The following ROBO1 variants were observed in gnomAD, a reference collection of about 807,000 sequenced individuals.
ROBO1 encodes roundabout guidance receptor 1.
Under a neutral mutation model 195.9 loss-of-function variants are expected in ROBO1, and 149 were observed. The observed-to-expected ratio is 0.76, with a 90% CI of 0.67 to 0.87. The LOEUF (loss-of-function observed/expected upper bound fraction) is 0.87, where lower values mean the gene tolerates loss of function less well. ROBO1 is among the 40% of genes least tolerant of loss of function. The probability of loss-of-function intolerance (pLI) is 0.00; values close to 1 mark genes in which losing one functional copy is unlikely to be tolerated. For synonymous variants in ROBO1, 816 were observed against 733.2 expected (o/e 1.11, Z -1.82); for missense variants, 1,933 against 2,068.3 (o/e 0.93, Z 1.27).
chr3:79,158,115 C>T (rs2080891169), intron 2 of ROBO1, among the ~76,000 whole-genome samples: 1 of 151,686 alleles, frequency 6.6e-6, no homozygotes, highest in South Asian at 2.1e-4. Context: ...AGGGCTTCAT[C>T]TCAACACTCC....
At chr3:79,465,727 T>C (rs1198120706) in intron 2 of ROBO1, among the ~76,000 whole-genome samples, 3 of 152,116 alleles carry the variant, frequency 2.0e-5, no homozygotes, top group Non-Finnish European at 1.5e-5. Context: ...TTTAACTGAC[T>C]AAATTCTCCA....
At chr3:79,072,059 T>C (rs1484083785) in intron 3 of ROBO1, among the ~76,000 whole-genome samples, 2 of 151,880 alleles carry the variant, frequency 1.3e-5, no homozygotes, top group South Asian at 2.1e-4. Flanking sequence ...TAACCTTAAA[T>C]ATATATGCTT....
At chr3:79,645,501 C>T (rs2106703531) in intron 1 of ROBO1, among the ~76,000 whole-genome samples, 1 of 152,082 alleles carries the variant, frequency 6.6e-6, no homozygotes, top group East Asian at 1.9e-4. Flanking sequence ...AACTCTGTCT[C>T]TAAAATAAAT....
At chr3:79,610,155 C>T (rs1041797985) in intron 1 of ROBO1, among the ~76,000 whole-genome samples, 2 of 151,864 alleles carry the variant, frequency 1.3e-5, no homozygotes, top group Non-Finnish European at 2.9e-5. Flanking sequence ...ACAGTCGTCT[C>T]TCTTTATCCG....
At chr3:79,226,789 C>T (rs2082235245) in intron 2 of ROBO1, among the ~76,000 whole-genome samples, 1 of 152,084 alleles carries the variant, frequency 6.6e-6, no homozygotes, top group South Asian at 2.1e-4. Context: ...TCAAGCAGTC[C>T]TCCCACCTTG....
At chr3:79,526,529 A>T (rs1318266544) in intron 2 of ROBO1, 1 of 152,234 alleles carries the variant, frequency 6.6e-6, no homozygotes, top group Non-Finnish European at 1.5e-5. Flanking sequence ...ACCATGCATC[A>T]TACATTTTCT....
intron 2 of ROBO1, among the ~76,000 whole-genome samples, chr3:79,421,459 C>A (rs1212223591): frequency 6.6e-6 from 1 of 151,944 alleles, no homozygotes; most frequent in Non-Finnish European, 1.5e-5. Flanking sequence ...CAAAAGGAAT[C>A]TGTCATATAC....
intron 2 of ROBO1, among the ~76,000 whole-genome samples, chr3:79,454,564 T>C (rs918705346): frequency 6.6e-6 from 1 of 152,124 alleles, no homozygotes; most frequent in African/African-American, 2.4e-5. Flanking sequence ...TAAAGAGATG[T>C]CATTCAATGG....
intron 2 of ROBO1, among the ~76,000 whole-genome samples, chr3:79,554,417 C>T (rs1942628817): frequency 6.6e-6 from 1 of 151,934 alleles, no homozygotes; most frequent in South Asian, 2.1e-4. Flanking sequence ...TACCTGTTTG[C>T]AACAGATTGC....
Position 79,533,296 on chromosome 3 carries a change from T to C in ROBO1, c.88+56528A>G, listed in dbSNP as rs531476578. The stretch of plus-strand genomic sequence containing the variant: ...AGTAGTACCTAGTATTTTCTTTTGA[T>C]TTACTATGTAAAATTATTTTTAAAC... On this transcript the variant is annotated intron_variant, in intron 2 of 30. Coordinates refer to ENST00000464233, the MANE Select transcript of ROBO1 (RefSeq NM_002941.4). 3.3e-5 allele frequency among the ~76,000 whole-genome samples: 5 copies of C among 152,304 alleles called. No homozygotes were observed. The South Asian group carries it at 1.0e-3, about 32-fold the overall frequency.
chr3:79,760,010 G>T (rs1160034086), intron 1 of ROBO1, among the ~76,000 whole-genome samples: 1 of 151,978 alleles, frequency 6.6e-6, no homozygotes, highest in African/African-American at 2.4e-5. Context: ...GTTGAGGTGG[G>T]TGGATCACCT....
intron 1 of ROBO1, among the ~76,000 whole-genome samples, chr3:79,755,063 A>G (rs1827436): frequency 0.32 from 48,545 of 151,642 alleles, 9,260 homozygotes; most frequent in Middle Eastern, 0.52. Flanking sequence ...TATTTTTAGT[A>G]GAAACGGGGT....
In ROBO1 at chr3:79,453,009, A is replaced by G. The variant is rs1245985325; in HGVS notation, c.88+136815T>C. 2.0e-5 allele frequency among the ~76,000 whole-genome samples: 3 copies of G among 152,078 alleles called. No homozygotes were observed. The East Asian group carries it at 5.8e-4, about 29-fold the overall frequency. On this transcript the variant is annotated intron_variant, in intron 2 of 30. Transcript: ENST00000464233. ...GCCAGAATATACATACATATTGTAC[A>G]TAAAGAATGTATACACATATTGAAG... is the stretch of plus-strand genomic sequence containing the variant.
intron 3 of ROBO1, among the ~76,000 whole-genome samples, chr3:79,056,303 G>A (rs1002554611): frequency 4.6e-5 from 7 of 151,958 alleles, no homozygotes; most frequent in African/African-American, 1.2e-4. Context: ...TCACCAGTTC[G>A]AGCCCAATTT....
chr3:79,376,272 G>A (rs2036379902), intron 2 of ROBO1, among the ~76,000 whole-genome samples: 1 of 152,136 alleles, frequency 6.6e-6, no homozygotes, highest in South Asian at 2.1e-4. Flanking sequence ...AGGGTCAGGT[G>A]GAGGCTAGCA....
At chr3:79,690,077 C>T (rs1360599424) in intron 1 of ROBO1, among the ~76,000 whole-genome samples, 1 of 151,932 alleles carries the variant, frequency 6.6e-6, no homozygotes, top group African/African-American at 2.4e-5. Context: ...GTGATACTGT[C>T]TTTCTTTTCC....
chr3:78,709,706 G>T (rs2081635411), intron 8 of ROBO1, among the ~76,000 whole-genome samples: 1 of 151,846 alleles, frequency 6.6e-6, no homozygotes, highest in Non-Finnish European at 1.5e-5. Context: ...AGGAGATAAA[G>T]AAGTTTTTGA....
At chr3:79,639,407 T>C (rs1443131119) in intron 1 of ROBO1, among the ~76,000 whole-genome samples, 1 of 152,146 alleles carries the variant, frequency 6.6e-6, no homozygotes, top group Non-Finnish European at 1.5e-5. Flanking sequence ...TAGTAATAAT[T>C]ATTAAATAAA....
At chr3:79,053,630 C>T (rs542294083) in intron 3 of ROBO1, among the ~76,000 whole-genome samples, 8 of 151,970 alleles carry the variant, frequency 5.3e-5, no homozygotes, top group East Asian at 2.0e-4. Flanking sequence ...CACACATGGA[C>T]GCTAGTAATC....
Sources: allele counts gnomAD v4.1 joint callset (sites outside exome capture counted in the v4.1 genomes callset), GRCh38; gene constraint gnomAD v4.1.1; transcripts MANE v1.5; gene names NCBI Gene and HGNC (gene_info 2026-07-23, HGNC 2026-07-21).